Variants in DENND4B observed in about 807,000 individuals in gnomAD.
DENND4B encodes the protein DENN domain containing 4B.
In DENND4B, 67 loss-of-function variants were observed where a neutral mutation model predicts 161.0. The ratio of observed to expected loss-of-function variants is 0.42; its 90% CI spans 0.34 to 0.51. The LOEUF (loss-of-function observed/expected upper bound fraction) is 0.51, where lower values mean the gene tolerates loss of function less well. DENND4B is among the 20% of genes least tolerant of loss of function. The probability of loss-of-function intolerance (pLI) is 0.08; values close to 1 mark genes in which losing one functional copy is unlikely to be tolerated. For synonymous variants in DENND4B, 753 were observed against 813.8 expected (o/e 0.93, Z 1.27); for missense variants, 1,481 against 1,968.0 (o/e 0.75, Z 4.68).
intron 6 of DENND4B, 91 bp downstream of exon 6, chr1:153,941,778 C>T: frequency 5.2e-6 from 3 of 581,492 alleles, no homozygotes; most frequent in East Asian, 4.7e-5. Flanking sequence ...GTGCCCAGCC[C>T]TCCCCCCACC....
rs1250708045 is a variant in DENND4B at position 153,934,210 on chromosome 1, C to T, written c.2866G>A (p.Gly956Arg). The change falls in exon 19 of 28, where the codon GGA becomes AGA. Residue 956 changes from glycine (G) to arginine (R), a missense_variant. Around this residue, in one of 3 missense-constraint regions of DENND4B, gnomAD observed 339 missense variants for 330.3 expected, o/e 1.03. Coordinates refer to ENST00000361217, the MANE Select transcript of DENND4B (RefSeq NM_014856.3). The surrounding 1 kb of genome is among the most constrained non-coding windows in gnomAD (Gnocchi z 5.3). The stretch of plus-strand genomic sequence containing the variant: ...AGGCTACCACTCTTCACCAGGCGTC[C>T]AGGGGGTGAGGCTGGGTCTCTCAGA... ...RSLRDPASPP[G>R]RLVKSGSLGS... 1 of 1,606,176 alleles carries T rather than the reference C, an allele frequency of 6.2e-7. No homozygotes were observed. The highest frequency in any genetic ancestry group is 1.3e-5 in the African/African-American group (1 of 74,492).
At chr1:153,939,563 T>A in intron 12 of DENND4B, 26 bp downstream of exon 12, 1 of 1,579,058 alleles carries the variant, frequency 6.3e-7, no homozygotes, top group East Asian at 2.3e-5. Context: ...ATGATACATC[T>A]CCAAGCAGAG....
intron 24 of DENND4B, 117 bp from the exon 25 acceptor site, chr1:153,931,181 A>G (rs1414865115): frequency 5.0e-6 from 4 of 794,164 alleles, no homozygotes; most frequent in Non-Finnish European, 8.1e-6. Context: ...GCCAAAGAGA[A>G]GTGGGAAAGG....
rs1679839194 is a variant in DENND4B, at chr1:153,944,223, G to A, written c.152C>T (p.Ala51Val). 1 of 1,607,020 alleles carries A rather than the reference G, an allele frequency of 6.2e-7. No individual in the cohort carries two copies. The highest frequency in any genetic ancestry group is 1.3e-5 in the African/African-American group (1 of 74,766). The change falls in exon 2 of 28, where the codon GCA becomes GTA. Residue 51 changes from alanine to valine, a missense_variant. This residue lies in a region of DENND4B where 806 missense variants were observed against 1,134.4 expected (regional missense o/e 0.71). Coordinates refer to ENST00000361217, the MANE Select transcript of DENND4B (RefSeq NM_014856.3). This position sits in a 1 kb window ranked among gnomAD's most constrained non-coding sequence, Gnocchi z 4.8. ...PRPAEPITDV[A>V]VIARALGEEV... is the part of the protein sequence containing the mutation. ...CTCGCCCAGTGCCCTAGCGATGACT[G>A]CCACATCTGTGATGGGCTCAGCTGG... is the stretch of plus-strand genomic sequence containing the variant.
rs375027053 is a variant in DENND4B at position 153,941,884 on chromosome 1, C to T, written c.1040G>A (p.Arg347His). The T allele has an allele frequency of 2.7e-5, 43 of 1,611,764 alleles. No homozygotes were observed. In the Admixed American group the frequency reaches 4.0e-4, roughly 15 times the overall value. The change falls in exon 6 of 28, where the codon CGC becomes CAC. Residue 347 changes from arginine to histidine, a missense_variant. Around this residue, in one of 3 missense-constraint regions of DENND4B, gnomAD observed 806 missense variants for 1,134.4 expected, o/e 0.71. Transcript: ENST00000361217. ...CCATGCTCACGCTTCCAAGGGTAGG[C>T]GGTGGGGGCCTGAGACGGAGTAGCG... ...LYRYSVSGPH[R>H]LPLEAHISHF... is the part of the protein sequence containing the mutation.
chr1:153,946,783 G>A (rs1679998939), upstream of DENND4B: 1 of 368,742 alleles, frequency 2.7e-6, no homozygotes, highest in Non-Finnish European at 4.8e-6. The surrounding 1 kb of genome is among the most constrained non-coding windows in gnomAD (Gnocchi z 6.3). Flanking sequence ...CACCCAGGTA[G>A]CTTCCCACCA....
At position 153,941,898 on chromosome 1, in the gene DENND4B, G is replaced by A. The variant is rs771643445; in HGVS notation, c.1026C>T (p.Val342=). 1.2e-6 allele frequency: 2 copies of A among 1,612,214 alleles called. No individual in the cohort carries two copies. The highest frequency in any genetic ancestry group is 1.7e-5 in the Admixed American group (1 of 60,012). ...AFLTFLYRYS[V]SGPHRLPLEA... ...CCAAGGGTAGGCGGTGGGGGCCTGA[G>A]ACGGAGTAGCGGTAAAGGAAGGTGA... The change falls in exon 6 of 28, where the codon GTC becomes GTT. Residue 342 remains valine (V), a synonymous_variant. Coordinates refer to ENST00000361217, the MANE Select transcript of DENND4B (RefSeq NM_014856.3).
At chr1:153,939,450 G>C (rs1313275077) in intron 12 of DENND4B, 139 bp downstream of exon 12, 1 of 918,982 alleles carries the variant, frequency 1.1e-6, no homozygotes, top group African/African-American at 1.7e-5. Context: ...GGCTCAAAGC[G>C]GGTGCCCATA....
intron 2 of DENND4B, 46 bp from the exon 3 acceptor site, chr1:153,943,176 G>A: frequency 2.5e-6 from 4 of 1,570,160 alleles, no homozygotes; most frequent in Non-Finnish European, 3.5e-6. Context: ...CAGGGTAGAG[G>A]ACAAAGACCC....
rs564847781 is a variant in DENND4B at position 153,934,794 on chromosome 1, C to G, written c.2739G>C (p.Val913=). 9 of 1,606,802 alleles carry G rather than the reference C, an allele frequency of 5.6e-6. No homozygotes were observed. In the African/African-American group the frequency reaches 1.2e-4, roughly 22 times the overall value. Residue 913 remains valine (V), a synonymous_variant, in exon 18 of 28, where the codon GTG becomes GTC. Transcript: ENST00000361217. This position sits in a 1 kb window ranked among gnomAD's most constrained non-coding sequence, Gnocchi z 5.3. ...AGCTGCCTGCCTCTTGATGTGCTGACACCTGCTCCTGCTGCTGCTGCTGCT... is the reference window on the plus strand; with the variant it reads ...AGCTGCCTGCCTCTTGATGTGCTGAGACCTGCTCCTGCTGCTGCTGCTGCT... ...QQQQQQQQEQ[V]SAHQEAGSSQ... is the part of the protein sequence containing the mutation.
rs1265504534 is a variant in DENND4B, at chr1:153,930,743, C to A, written c.4229G>T (p.Gly1410Val). The change falls in exon 26 of 28, where the codon GGG (glycine) becomes GTG (valine). Residue 1410 changes from glycine to valine, a missense_variant. Around this residue, in one of 3 missense-constraint regions of DENND4B, gnomAD observed 336 missense variants for 503.3 expected, o/e 0.67. Coordinates refer to ENST00000361217, the MANE Select transcript of DENND4B (RefSeq NM_014856.3). The surrounding 1 kb of genome is among the most constrained non-coding windows in gnomAD (Gnocchi z 4.7). Reference sequence around the variant, plus strand: ...GGGCCCTAGAGTTTCCAGCAGGAGCCCCACAGCCTTGTGCACTTCATTGAG... The same window carrying A: ...GGGCCCTAGAGTTTCCAGCAGGAGCACCACAGCCTTGTGCACTTCATTGAG... ...VGLNEVHKAV[G>V]LLLETLGPPP... 3 of 1,611,098 alleles carry A rather than the reference C, an allele frequency of 1.9e-6. No individual in the cohort carries two copies. The highest frequency in any genetic ancestry group is 2.5e-6 in the Non-Finnish European group (3 of 1,178,616).
upstream of DENND4B, chr1:153,946,826 C>T (rs1475897652): frequency 8.6e-6 from 3 of 350,690 alleles, no homozygotes; most frequent in Non-Finnish European, 1.5e-5. The surrounding 1 kb of genome is among the most constrained non-coding windows in gnomAD (Gnocchi z 6.3). Context: ...TGACCCCAGG[C>T]GACCCAGAGG....
At chr1:153,935,729 T>G (rs1020020730) in intron 17 of DENND4B, 10 of 285,774 alleles carry the variant, frequency 3.5e-5, no homozygotes, top group Admixed American at 1.9e-4. Flanking sequence ...CATCTCCTCT[T>G]CTATAAGATG....
rs199532841 is a variant in DENND4B, at chr1:153,940,913, G to C, written c.1317C>G (p.Ala439=). The C allele has an allele frequency of 2.6e-3, 4,114 of 1,575,040 alleles. 6 individuals carry two copies. The highest frequency in any genetic ancestry group is 3.4e-3 in the Non-Finnish European group (3,909 of 1,164,480). ...RPDLLTSVCE[A]LVSMIFPLHW... is the part of the protein sequence containing the mutation. Reference sequence around the variant, plus strand: ...GCGGGGCGGCACTCACCGAGACGAGGGCCTCACAGACGCTGGTGAGCAGGT... The same window carrying C: ...GCGGGGCGGCACTCACCGAGACGAGCGCCTCACAGACGCTGGTGAGCAGGT... Residue 439 remains alanine (A), a synonymous_variant, in exon 9 of 28, where the codon GCC becomes GCG. Transcript: ENST00000361217. The surrounding 1 kb of genome is among the most constrained non-coding windows in gnomAD (Gnocchi z 5.6).
Position 153,946,139 on chromosome 1 carries a change from G to A in DENND4B, c.-24+162C>T, listed in dbSNP as rs1679953736. Among the ~76,000 whole-genome samples the A allele has an allele frequency of 6.6e-6, 1 of 152,162 alleles. No individual in the cohort carries two copies. The highest frequency in any genetic ancestry group is 1.9e-4 in the East Asian group (1 of 5,174). ...GCCGGGCACGGCGAGCTAATTGCGG[G>A]AGGTGCCCTCCCCTCCACTTTCACT... On this transcript the variant is annotated intron_variant, in intron 1 of 27. Transcript: ENST00000361217. This position sits in a 1 kb window ranked among gnomAD's most constrained non-coding sequence, Gnocchi z 6.3.
chr1:153,945,059 A>T, intron 1 of DENND4B: 1 of 1,271,844 alleles, frequency 7.9e-7, no homozygotes, highest in Non-Finnish European at 1.0e-6. Flanking sequence ...GTTGTGAGAG[A>T]CAAGTCCCGG....
chr1:153,946,780 G>A, upstream of DENND4B: 1 of 370,312 alleles, frequency 2.7e-6, no homozygotes, highest in Non-Finnish European at 4.8e-6. This position sits in a 1 kb window ranked among gnomAD's most constrained non-coding sequence, Gnocchi z 6.3. Context: ...CTGCACCCAG[G>A]TAGCTTCCCA....
rs765550077 is a variant in DENND4B at position 153,932,272 on chromosome 1, G to A, written c.3928C>T (p.Arg1310Trp). The A allele has an allele frequency of 3.7e-6, 6 of 1,613,868 alleles. No individual in the cohort carries two copies. The highest frequency in any genetic ancestry group is 4.2e-6 in the Non-Finnish European group (5 of 1,179,890). The change falls in exon 24 of 28, where the codon CGG becomes TGG. Residue 1310 changes from arginine to tryptophan, a missense_variant. By Grantham distance (101) the Arg-to-Trp change is moderately radical. Around this residue, in one of 3 missense-constraint regions of DENND4B, gnomAD observed 336 missense variants for 503.3 expected, o/e 0.67. Transcript: ENST00000361217. The surrounding 1 kb of genome is among the most constrained non-coding windows in gnomAD (Gnocchi z 5.8). ...IFWNLLWYFQ[R>W]LRLPSILPGL... ...GGTAGAATACTGGGCAGGCGTAGCCGTTGGAAATACCACAAAAGGTTCCAG... is the reference window on the plus strand; with the variant it reads ...GGTAGAATACTGGGCAGGCGTAGCCATTGGAAATACCACAAAAGGTTCCAG...
rs1679199726 is a variant in DENND4B, at chr1:153,934,468, G to A, written c.2774-166C>T. On this transcript the variant is annotated intron_variant, in intron 18 of 27. Coordinates refer to ENST00000361217, the MANE Select transcript of DENND4B (RefSeq NM_014856.3). The surrounding 1 kb of genome is among the most constrained non-coding windows in gnomAD (Gnocchi z 5.3). ...TTGTTTTGTTTTGTTTTTTGAGATG[G>A]AGTCTTGCTCTGTAGCTAGGTGGAG... Among the ~76,000 whole-genome samples the A allele has an allele frequency of 6.6e-6, 1 of 152,062 alleles. No individual in the cohort carries two copies. Among genetic ancestry groups the A allele is most frequent in the African/African-American group, 2.4e-5 (1 of 41,392 alleles).
Sources: allele counts gnomAD v4.1 joint callset (sites outside exome capture counted in the v4.1 genomes callset), GRCh38; gene constraint gnomAD v4.1.1; regional missense constraint gnomAD v4.1.1; non-coding constraint Gnocchi (gnomAD v3.1); transcripts MANE v1.5; gene names NCBI Gene and HGNC (gene_info 2026-07-23, HGNC 2026-07-21).